Variants in GHR observed in about 807,000 individuals in gnomAD.
GHR encodes the protein growth hormone receptor, also known as GH receptor.
Under a neutral mutation model 67.1 loss-of-function variants are expected in GHR, and 35 were observed. The observed-to-expected ratio is 0.52, with a 90% CI of 0.40 to 0.69. The LOEUF is 0.69. Among genes scored for constraint, GHR ranks in the 30% least tolerant of loss-of-function variants. The pLI, the probability that GHR is intolerant of heterozygous loss-of-function variation, is 0.00. For missense variants in GHR, 792 were observed against 764.6 expected, an observed-to-expected ratio of 1.04 and a Z score of -0.42; for synonymous variants, 272 against 269.1, an observed-to-expected ratio of 1.01 and a Z score of -0.10.
At chr5:42,465,344 T>C in intron 1 of GHR, 1 of 791,804 alleles carries the variant, frequency 1.3e-6, no homozygotes, top group Non-Finnish European at 2.1e-6. Context: ...TTTTCAGTTA[T>C]TACCCACCAG....
chr5:42,714,540 G>A (rs1361573517), intron 8 of GHR, among the ~76,000 whole-genome samples: 1 of 152,130 alleles, frequency 6.6e-6, no homozygotes, highest in Non-Finnish European at 1.5e-5. Context: ...TTATTGGGAC[G>A]CTAGATTTCT....
chr5:42,650,215 A>G (rs1256141476), intron 3 of GHR, among the ~76,000 whole-genome samples: 1 of 152,158 alleles, frequency 6.6e-6, no homozygotes, highest in Non-Finnish European at 1.5e-5. Context: ...AAAGTCACAT[A>G]AGAGGGCACA....
intron 1 of GHR, among the ~76,000 whole-genome samples, chr5:42,473,431 G>A (rs1465117267): frequency 6.6e-6 from 1 of 152,096 alleles, no homozygotes; most frequent in Non-Finnish European, 1.5e-5. Context: ...TGTATGCTAG[G>A]TATGTGTTGG....
intron 1 of GHR, among the ~76,000 whole-genome samples, chr5:42,469,625 G>T (rs993610697): frequency 6.6e-6 from 1 of 152,130 alleles, no homozygotes; most frequent in Non-Finnish European, 1.5e-5. Context: ...CTGACAGCAG[G>T]ACCAGCCAGT....
intron 2 of GHR, among the ~76,000 whole-genome samples, chr5:42,597,444 C>A (rs934629913): frequency 3.9e-5 from 6 of 151,992 alleles, no homozygotes; most frequent in Admixed American, 2.0e-4. Flanking sequence ...AAAACCAGTG[C>A]CCATAGGTGG....
At chr5:42,568,683 C>T (rs1750091950) in intron 2 of GHR, among the ~76,000 whole-genome samples, 1 of 152,106 alleles carries the variant, frequency 6.6e-6, no homozygotes, top group African/African-American at 2.4e-5. Flanking sequence ...CAAGCCCCTG[C>T]CTTGTAGTTC....
intron 1 of GHR, among the ~76,000 whole-genome samples, chr5:42,528,377 T>C (rs1364686500): frequency 6.6e-6 from 1 of 152,188 alleles, no homozygotes; most frequent in African/African-American, 2.4e-5. Flanking sequence ...TTACTTTGAA[T>C]TGATTCAAGA....
intron 6 of GHR, among the ~76,000 whole-genome samples, chr5:42,708,883 G>T (rs1758312397): frequency 6.6e-6 from 1 of 152,134 alleles, no homozygotes; most frequent in Non-Finnish European, 1.5e-5. Flanking sequence ...AAAGGGGTCA[G>T]TTAACTTTTT....
intron 1 of GHR, among the ~76,000 whole-genome samples, chr5:42,519,578 G>T (rs1386046302): frequency 6.6e-6 from 1 of 152,150 alleles, no homozygotes; most frequent in Non-Finnish European, 1.5e-5. Flanking sequence ...GTTACCAAGA[G>T]GCAACTTTAG....
At chr5:42,674,685 T>C (rs1383847663) in intron 3 of GHR, among the ~76,000 whole-genome samples, 1 of 152,236 alleles carries the variant, frequency 6.6e-6, no homozygotes, top group Non-Finnish European at 1.5e-5. Flanking sequence ...TATCAGTATT[T>C]TATTCCTTTT....
At chr5:42,479,224 A>C (rs1745491954) in intron 1 of GHR, among the ~76,000 whole-genome samples, 2 of 152,202 alleles carry the variant, frequency 1.3e-5, no homozygotes, top group African/African-American at 2.4e-5. Flanking sequence ...CTTGCATCCC[A>C]GGGATGAAGC....
intron 2 of GHR, among the ~76,000 whole-genome samples, chr5:42,602,031 TA>T (rs1201423220): frequency 1.3e-5 from 2 of 152,176 alleles, no homozygotes; most frequent in African/African-American, 4.8e-5. Context: ...ATTTATCTAC[TA>T]AACTGTATTT....
chr5:42,670,202 C>A (rs7713512), intron 3 of GHR, among the ~76,000 whole-genome samples: 15,351 of 152,120 alleles, frequency 0.1, 1,021 homozygotes, highest in African/African-American at 0.18. Context: ...GAATAGTGAG[C>A]CCAGAAATAA....
intron 1 of GHR, among the ~76,000 whole-genome samples, chr5:42,505,734 G>A (rs1746745660): frequency 6.6e-6 from 1 of 152,168 alleles, no homozygotes; most frequent in Non-Finnish European, 1.5e-5. Context: ...GGATTGCTGT[G>A]ATGACTTGAT....
At chr5:42,562,410 C>A (rs1650888756) in intron 1 of GHR, among the ~76,000 whole-genome samples, 1 of 152,164 alleles carries the variant, frequency 6.6e-6, no homozygotes, top group Non-Finnish European at 1.5e-5. Flanking sequence ...TTTTATCCTC[C>A]TCCTGGCCCC....
At chr5:42,667,131 A>G (rs754453552) in intron 3 of GHR, among the ~76,000 whole-genome samples, 5 of 152,114 alleles carry the variant, frequency 3.3e-5, no homozygotes, top group Non-Finnish European at 5.9e-5. Context: ...TTGAAATTGC[A>G]ACTTTAGAAC....
intron 1 of GHR, among the ~76,000 whole-genome samples, chr5:42,553,522 A>G (rs567319916): frequency 6.6e-6 from 1 of 152,274 alleles, no homozygotes; most frequent in Admixed American, 6.5e-5. Context: ...TCAAGTTTCT[A>G]GTCTCTCTGA....
intron 2 of GHR, among the ~76,000 whole-genome samples, chr5:42,587,764 A>G (rs1202460094): frequency 2.0e-5 from 3 of 152,072 alleles, no homozygotes; most frequent in Admixed American, 2.0e-4. Context: ...CTAAGTGAAA[A>G]CAAGGTAAGA....
chr5:42,474,053 G>A (rs975798675), intron 1 of GHR, among the ~76,000 whole-genome samples: 7 of 151,420 alleles, frequency 4.6e-5, no homozygotes, highest in African/African-American at 1.5e-4. Flanking sequence ...ACAGGATGTG[G>A]TGGTGCACAC....
Sources: allele counts gnomAD v4.1 joint callset (sites outside exome capture counted in the v4.1 genomes callset), GRCh38; gene constraint gnomAD v4.1.1; transcripts MANE v1.5; gene names NCBI Gene and HGNC (gene_info 2026-07-23, HGNC 2026-07-21).